ATRNL1: variants seen among roughly 807,000 people sequenced by gnomAD.
ATRNL1 encodes the protein attractin-like protein 1.
ATRNL1 carries 95 observed loss-of-function variants against 182.7 expected under a neutral mutation model. The ratio of observed to expected loss-of-function variants is 0.52; its 90% CI spans 0.44 to 0.62. The LOEUF (loss-of-function observed/expected upper bound fraction) is 0.62. Among genes scored for constraint, ATRNL1 ranks in the 20% least tolerant of loss-of-function variants. The pLI is 0.00. For synonymous variants in ATRNL1, 576 were observed against 568.3 expected (o/e 1.01, Z -0.19); for missense variants, 1,471 against 1,679.5 (o/e 0.88, Z 2.17).
At chr10:115,785,987 C>G (rs1949387869) in intron 27 of ATRNL1, among the ~76,000 whole-genome samples, 1 of 152,244 alleles carries the variant, frequency 6.6e-6, no homozygotes, top group African/African-American at 2.4e-5. Context: ...CATATGAGAC[C>G]TCATCAGAGG....
chr10:115,621,276 T>TATATATATATATATATATATATAG (rs1268020830), intron 26 of ATRNL1, among the ~76,000 whole-genome samples: 1 of 47,592 alleles, frequency 2.1e-5, no homozygotes, highest in Non-Finnish European at 4.2e-5. Flanking sequence ...TATATATATA[T>TATATATATATATATATATATATAG]AGAGAGAGAG....
rs928766772 is a variant in ATRNL1 at position 115,418,482 on chromosome 10, G to A, written c.3270-7768G>A. Among the ~76,000 whole-genome samples the A allele has an allele frequency of 5.9e-5, 9 of 152,188 alleles. No individual in the cohort carries two copies. In the Middle Eastern group the frequency reaches 0.01, roughly 173 times the overall value. On this transcript the variant is annotated intron_variant, in intron 20 of 28. Transcript: ENST00000355044. ...GGGACAACATCAAAATAACACATTT[G>A]TGTTATTAGAATTCAAGAAGGAGTT...
At chr10:115,350,064 A>G (rs141317894) in intron 19 of ATRNL1, among the ~76,000 whole-genome samples, 1,961 of 152,172 alleles carry the variant, frequency 0.013, 37 homozygotes, top group African/African-American at 0.044. Flanking sequence ...TTGGCTGGGC[A>G]CAATGGCTCA....
At chr10:115,563,587 T>G (rs1555000465) in intron 26 of ATRNL1, among the ~76,000 whole-genome samples, 1 of 151,972 alleles carries the variant, frequency 6.6e-6, no homozygotes, top group African/African-American at 2.4e-5. Context: ...GGTTCTAATT[T>G]AAGGAAAAAA....
intron 25 of ATRNL1, among the ~76,000 whole-genome samples, chr10:115,546,387 A>G (rs1852655841): frequency 6.6e-6 from 1 of 151,824 alleles, no homozygotes; most frequent in Non-Finnish European, 1.5e-5. Flanking sequence ...ACATGGTGTA[A>G]CCCCGTCTCT....
chr10:115,500,247 C>A (rs1266849525), intron 24 of ATRNL1, among the ~76,000 whole-genome samples: 1 of 151,942 alleles, frequency 6.6e-6, no homozygotes, highest in Non-Finnish European at 1.5e-5. Flanking sequence ...CAGGGCTTCA[C>A]GAAAGCACAG....
rs1350678707 is a variant in ATRNL1 at position 115,581,901 on chromosome 10, C to G, written c.3795+32365C>G. Among the ~76,000 whole-genome samples, 12 of 122,530 alleles carry G rather than the reference C, an allele frequency of 9.8e-5. No individual in the cohort carries two copies. The East Asian group carries it at 2.9e-3, about 29-fold the overall frequency. 80.4% of individuals were successfully genotyped at this position (122,530 alleles called of 152,430 possible). ...CATTGCTATCCCTCCCCCCTCCCCC[C>G]ACCCCACAACAGGCCCCAGAGTGTG... On this transcript the variant is annotated intron_variant, in intron 26 of 28. Transcript: ENST00000355044.
chr10:115,507,913 T>C (rs1554981667), intron 24 of ATRNL1, among the ~76,000 whole-genome samples: 1 of 152,034 alleles, frequency 6.6e-6, no homozygotes, highest in Non-Finnish European at 1.5e-5. Context: ...GGTTTGCTAA[T>C]GTATGTCAAG....
At position 115,539,968 on chromosome 10, in the gene ATRNL1, C is replaced by T. The variant is rs1423111352; in HGVS notation, c.3717-9490C>T. Among the ~76,000 whole-genome samples the T allele has an allele frequency of 3.4e-5, 4 of 118,028 alleles. No homozygotes were observed. The Admixed American group carries it at 4.8e-4, about 14-fold the overall frequency. The allele number at this position is 118,028 out of a possible 152,430, so 77.4% of individuals were successfully genotyped here. On this transcript the variant is annotated intron_variant, in intron 25 of 28. Coordinates refer to ENST00000355044, the MANE Select transcript of ATRNL1 (RefSeq NM_207303.4). ...GATAATGGAGATAGAAAAGCCTTCCCATCAAATGTTATGGGGTGGGGGGAG... is the reference window on the plus strand; with the variant it reads ...GATAATGGAGATAGAAAAGCCTTCCTATCAAATGTTATGGGGTGGGGGGAG...
intron 26 of ATRNL1, among the ~76,000 whole-genome samples, chr10:115,698,252 C>T (rs2133988364): frequency 6.6e-6 from 1 of 152,114 alleles, no homozygotes; most frequent in East Asian, 1.9e-4. Context: ...TGAAAACAAA[C>T]AACTCTAACA....
At chr10:115,223,929 A>ATATATATTTTT (rs1420143943) in intron 9 of ATRNL1, among the ~76,000 whole-genome samples, 2,181 of 44,468 alleles carry the variant, frequency 0.049, 253 homozygotes, top group Non-Finnish European at 0.077. Flanking sequence ...ATATATATAT[A>ATATATATTTTT]TTTTTTTTTT....
chr10:115,619,788 C>G (rs765714856), intron 26 of ATRNL1, among the ~76,000 whole-genome samples: 2 of 151,894 alleles, frequency 1.3e-5, no homozygotes, highest in Admixed American at 1.3e-4. Context: ...TTGTATTTAC[C>G]TAACGTATTT....
intron 28 of ATRNL1, among the ~76,000 whole-genome samples, chr10:115,919,826 T>G (rs1057328453): frequency 1.4e-4 from 22 of 152,102 alleles, no homozygotes; most frequent in Admixed American, 6.5e-5. Context: ...GGATACTGTC[T>G]TCTCACTGTG....
At chr10:115,289,887 G>GTTTTGC (rs1852809336) in intron 15 of ATRNL1, among the ~76,000 whole-genome samples, 1 of 152,062 alleles carries the variant, frequency 6.6e-6, no homozygotes, top group South Asian at 2.1e-4. Context: ...TTCCATACAG[G>GTTTTGC]TTTTAGGATT....
intron 8 of ATRNL1, among the ~76,000 whole-genome samples, chr10:115,185,582 A>G (rs1847907991): frequency 6.6e-6 from 1 of 152,080 alleles, no homozygotes; most frequent in Admixed American, 6.6e-5. Flanking sequence ...GGAAGCCTCT[A>G]CATAGGATGC....
intron 24 of ATRNL1, among the ~76,000 whole-genome samples, chr10:115,506,872 C>T (rs1850140954): frequency 6.6e-6 from 1 of 151,974 alleles, no homozygotes. Context: ...AAATGTGAAC[C>T]CCCAAAATCT....
chr10:115,097,297 A>G (rs1039400847), intron 1 of ATRNL1, among the ~76,000 whole-genome samples: 2 of 152,040 alleles, frequency 1.3e-5, no homozygotes, highest in Non-Finnish European at 2.9e-5. Context: ...CAGTCTGGGC[A>G]AGATAGTGAG....
chr10:115,631,119 T>C (rs1009156040), intron 26 of ATRNL1, among the ~76,000 whole-genome samples: 7 of 152,000 alleles, frequency 4.6e-5, no homozygotes, highest in African/African-American at 1.7e-4. Flanking sequence ...ACGTTTCATA[T>C]ACTAGAATGA....
intron 24 of ATRNL1, among the ~76,000 whole-genome samples, chr10:115,494,810 T>C (rs782045975): frequency 6.6e-6 from 1 of 152,190 alleles, no homozygotes; most frequent in African/African-American, 2.4e-5. Flanking sequence ...CCTTTTTTCA[T>C]TGTGTCTTTG....
Sources: gnomAD v4.1 joint callset for allele counts (sites outside exome capture counted in the v4.1 genomes callset) on GRCh38, gnomAD v4.1.1 for gene constraint, MANE v1.5 for transcripts, NCBI Gene and HGNC (gene_info 2026-07-23, HGNC 2026-07-21) for gene names.